The following PPOX variants were observed in gnomAD, a reference collection of about 807,000 sequenced individuals.
The protein encoded by PPOX is protoporphyrinogen oxidase, also known as variegate porphyria.
In PPOX, 23 loss-of-function variants were observed where a neutral mutation model predicts 54.1. That is an observed-to-expected ratio of 0.43 (90% CI 0.31 to 0.60). The LOEUF is 0.60. Ranked by LOEUF, PPOX falls within the 20% of genes least tolerant of loss-of-function variation. The pLI, the probability that PPOX is intolerant of heterozygous loss-of-function variation, is 0.13. For synonymous variants in PPOX, 224 were observed against 236.1 expected (o/e 0.95, Z 0.47); for missense variants, 512 against 601.1 (o/e 0.85, Z 1.55).
At position 161,169,007 on chromosome 1, in the gene PPOX, C is replaced by A; in HGVS notation, c.631C>A (p.Pro211Thr). ...TTCCTCTGCAGGGCGGACCCCACAG[C>A]CAGACTCAGCACTCATTCGCCAGGC... is the stretch of plus-strand genomic sequence containing the variant. The part of the protein sequence containing the change: ...LLLGAGRTPQ[P>T]DSALIRQALA... Residue 211 changes from proline (P) to threonine (T), a missense_variant, in exon 7 of 13, where the codon CCA (proline) becomes ACA (threonine). Physicochemically the swap from Pro to Thr is conservative, Grantham distance 38. Transcript: ENST00000367999. 1 of 1,614,090 alleles carries A rather than the reference C, an allele frequency of 6.2e-7. No homozygotes were observed. The highest frequency in any genetic ancestry group is 8.5e-7 in the Non-Finnish European group (1 of 1,180,042).
At chr1:161,173,543 T>C, downstream of PPOX, 1 of 1,609,594 alleles carries the variant, frequency 6.2e-7, no homozygotes, top group Non-Finnish European at 8.5e-7. Context: ...TGGTCAAAGG[T>C]GGTCTTAGAG....
downstream of PPOX, chr1:161,177,824 C>T (rs1244246636): frequency 3.9e-5 from 6 of 152,428 alleles, no homozygotes; most frequent in East Asian, 7.7e-4. Flanking sequence ...CTCGTTATCA[C>T]CTTGTGGTTG....
Position 161,167,304 on chromosome 1 carries a change from A to T in PPOX, c.223-67A>T. On this transcript the variant is annotated intron_variant, in intron 3 of 12. Coordinates refer to ENST00000367999, the MANE Select transcript of PPOX (RefSeq NM_001122764.3). The stretch of plus-strand genomic sequence containing the variant: ...TCCATTGGGGAATAGAGTTTAGGGG[A>T]GGAAGTATGTTTGGTGGGTCAGATC... 5 of 1,613,860 alleles carry T rather than the reference A, an allele frequency of 3.1e-6. No homozygotes were observed. The South Asian group carries it at 5.5e-5, about 18-fold the overall frequency.
At chr1:161,173,905 G>A (rs776713363), downstream of PPOX, 15 of 1,613,990 alleles carry the variant, frequency 9.3e-6, no homozygotes, top group Admixed American at 5.0e-5. Context: ...CGGGGTCCCC[G>A]GGGGTCACAC....
At chr1:161,172,063 T>G, downstream of PPOX, 1 of 1,614,196 alleles carries the variant, frequency 6.2e-7, no homozygotes, top group South Asian at 1.1e-5. Flanking sequence ...CGTCCAGGAA[T>G]TCTGGGTACG....
chr1:161,177,514 T>TCTCGCGTCATGGGGCGGGGC (rs930960591), downstream of PPOX: 8 of 169,428 alleles, frequency 4.7e-5, no homozygotes, highest in African/African-American at 9.6e-5. Context: ...GGGGGCGGGG[T>TCTCGCGTCATGGGGCGGGGC]CTCGCGTCAT....
downstream of PPOX, chr1:161,175,144 C>T (rs190617069): frequency 1.5e-5 from 24 of 1,613,980 alleles, no homozygotes; most frequent in African/African-American, 1.1e-4. Flanking sequence ...AGGGCGGTAC[C>T]GGCCCCCTGG....
At chr1:161,173,549 T>C, downstream of PPOX, 2 of 1,611,206 alleles carry the variant, frequency 1.2e-6, no homozygotes, top group Admixed American at 3.3e-5. Context: ...AAGGTGGTCT[T>C]AGAGGACAGG....
At chr1:161,175,148 C>A, downstream of PPOX, 1 of 1,613,894 alleles carries the variant, frequency 6.2e-7, no homozygotes, top group Non-Finnish European at 8.5e-7. Context: ...CGGTACCGGC[C>A]CCCTGGTTCT....
At position 161,166,830 on chromosome 1, in the gene PPOX, T is replaced by G. The variant is rs757518460; in HGVS notation, c.-8-10T>G. 5 of 1,612,594 alleles carry G rather than the reference T, an allele frequency of 3.1e-6. No individual in the cohort carries two copies. The highest frequency in any genetic ancestry group is 3.3e-4 in the Middle Eastern group (2 of 5,974). ...CGGTCTGCCTGTCCATATCGCCCCC[T>G]TTCCCCCAGGTTTCCGCATGGGCCG... On this transcript the variant is annotated splice_polypyrimidine_tract_variant and intron_variant, in intron 1 of 12. Transcript: ENST00000367999.
In PPOX at chr1:161,167,160, A is replaced by G. The variant is rs774987157; in HGVS notation, c.148A>G (p.Asn50Asp). 1 of 1,614,026 alleles carries G rather than the reference A, an allele frequency of 6.2e-7. No homozygotes were observed. Among genetic ancestry groups the G allele is most frequent in the South Asian group, 1.1e-5 (1 of 91,072 alleles). The change falls in exon 3 of 13, where the codon AAT becomes GAT. Residue 50 changes from asparagine (N) to aspartate (D), a missense_variant. Coordinates refer to ENST00000367999, the MANE Select transcript of PPOX (RefSeq NM_001122764.3). ...GGWIRSVRGP[N>D]GAIFELGPRG... ...CTGGATTCGCTCCGTTCGAGGCCCT[A>G]ATGGTGCTATCTTTGAGCTTGGACC... is the stretch of plus-strand genomic sequence containing the variant.
At chr1:161,174,323 C>T (rs553625149), downstream of PPOX, among the ~76,000 whole-genome samples, 1 of 150,010 alleles carries the variant, frequency 6.7e-6, no homozygotes, top group Non-Finnish European at 1.5e-5. Context: ...AGGAGAATGG[C>T]GTAAAACCCG....
At position 161,170,479 on chromosome 1, in the gene PPOX, T is replaced by C; in HGVS notation, c.1058T>C (p.Phe353Ser). The change falls in exon 10 of 13, where the codon TTC (phenylalanine) becomes TCC (serine). Residue 353 changes from phenylalanine (F) to serine (S), a missense_variant. Phe to Ser is a radical substitution (Grantham distance 155). Coordinates refer to ENST00000367999, the MANE Select transcript of PPOX (RefSeq NM_001122764.3). ...VLGIVYDSVA[F>S]PEQDGSPPGL... ...GGAATCGTGTATGACTCAGTTGCTT[T>C]CCCTGAGCAGGACGGGAGCCCCCCT... 1 of 1,614,230 alleles carries C rather than the reference T, an allele frequency of 6.2e-7. No individual in the cohort carries two copies. The highest frequency in any genetic ancestry group is 8.5e-7 in the Non-Finnish European group (1 of 1,180,042).
At chr1:161,176,250 T>C in intron 4 of PPOX, 1 of 710,444 alleles carries the variant, frequency 1.4e-6, no homozygotes, top group Non-Finnish European at 2.3e-6. Flanking sequence ...TAACCACCAG[T>C]AACCCTACCA....
chr1:161,166,426 G>A lies in PPOX; in HGVS notation c.-255G>A. On this transcript the variant is annotated 5_prime_UTR_variant, in exon 1 of 13. Transcript: ENST00000367999. ...TAGGCGCGTGCCGCGAGAACAGAGT[G>A]GACGGAGCGTAGGAGAGACCGAAAA... The A allele has an allele frequency of 1.8e-6, 2 of 1,139,882 alleles. No individual in the cohort carries two copies. The highest frequency in any genetic ancestry group is 2.2e-6 in the Non-Finnish European group (2 of 919,766). The allele number at this position is 1,139,882 out of a possible 1,614,324, so 70.6% of individuals were successfully genotyped here. A position where few individuals can be genotyped will look rare whatever the true frequency, so the allele number is the denominator to read the frequency against.
At chr1:161,176,216 A>G, downstream of PPOX, 3 of 899,556 alleles carry the variant, frequency 3.3e-6, no homozygotes, top group Non-Finnish European at 5.0e-6. Flanking sequence ...ACACAGGTGC[A>G]CAGTCACGCA....
At chr1:161,168,707 G>A in intron 6 of PPOX, 131 bp downstream of exon 6, 1 of 1,251,380 alleles carries the variant, frequency 8.0e-7, no homozygotes, top group Admixed American at 2.0e-5. Flanking sequence ...GCCTAGGCTG[G>A]AGTGCAGTGG....
At chr1:161,173,515 G>A (rs762050694), downstream of PPOX, 1 of 1,578,502 alleles carries the variant, frequency 6.3e-7, no homozygotes, top group Non-Finnish European at 8.7e-7. Context: ...GGAGCTAAAG[G>A]TTAGTGTTGA....
In PPOX at chr1:161,171,162, G is replaced by T; in HGVS notation, c.1420G>T (p.Glu474Ter). 6.2e-7 allele frequency: 1 copy of T among 1,613,386 alleles called. No homozygotes were observed. The highest frequency in any genetic ancestry group is 1.1e-5 in the South Asian group (1 of 91,038). The change falls in exon 13 of 13, where the codon GAA becomes TAA. Residue 474 changes from glutamate (E) to a stop codon, truncating the protein, a stop_gained. Transcript: ENST00000367999. LOFTEE classifies it high-confidence loss of function. ...GGCAGCAGTCAGTGTCCTGGGCACA[G>T]AACCTAACAGCTGATCCCCAACTCT... is the stretch of plus-strand genomic sequence containing the variant. ...RQAAVSVLGT[E>*]PNS
Sources: allele counts gnomAD v4.1 joint callset (sites outside exome capture counted in the v4.1 genomes callset), GRCh38; gene constraint gnomAD v4.1.1; transcripts MANE v1.5; gene names NCBI Gene and HGNC (gene_info 2026-07-23, HGNC 2026-07-21).